STPG2: variants seen among roughly 807,000 people sequenced by gnomAD.
The protein encoded by STPG2 is sperm-tail PG-rich repeat-containing protein 2.
STPG2 carries 56 observed loss-of-function variants against 54.2 expected under a neutral mutation model. That is an observed-to-expected ratio of 1.03 (90% confidence interval 0.83 to 1.29). The LOEUF (loss-of-function observed/expected upper bound fraction) is 1.29, where lower values mean the gene tolerates loss of function less well. Ranked by LOEUF, STPG2 falls within the 50% of genes most tolerant of loss-of-function variation. The pLI is 0.00. For missense variants in STPG2, 596 were observed against 544.9 expected, an observed-to-expected ratio of 1.09 and a Z score of -0.93; for synonymous variants, 200 against 181.8, an observed-to-expected ratio of 1.10 and a Z score of -0.81.
In STPG2 at chr4:97,874,878, C is replaced by T. The variant is rs771802771; in HGVS notation, c.1045-33946G>A. Among the ~76,000 whole-genome samples, 4 of 151,754 alleles carry T rather than the reference C, an allele frequency of 2.6e-5. No homozygotes were observed. The South Asian group carries it at 6.2e-4, about 24-fold the overall frequency. On this transcript the variant is annotated intron_variant, in intron 8 of 10. Coordinates refer to ENST00000295268, the MANE Select transcript of STPG2 (RefSeq NM_174952.3). Reference sequence around the variant, plus strand: ...ACATGAGAAAAGTTATGACTCTCTCCGCCATATGAGGATACAGCAAGAAAA... The same window carrying T: ...ACATGAGAAAAGTTATGACTCTCTCTGCCATATGAGGATACAGCAAGAAAA...
chr4:97,876,489 T>C (rs1398369311), intron 8 of STPG2, among the ~76,000 whole-genome samples: 1 of 152,070 alleles, frequency 6.6e-6, no homozygotes, highest in Non-Finnish European at 1.5e-5. Context: ...ATTTTCTAAA[T>C]ATAAATGCCA....
chr4:98,024,579 G>A (rs1297117929), intron 5 of STPG2, among the ~76,000 whole-genome samples: 2 of 152,134 alleles, frequency 1.3e-5, no homozygotes, highest in Non-Finnish European at 2.9e-5. Flanking sequence ...ACATAAGCAA[G>A]GGTTAATTTA....
At chr4:97,901,394 T>C (rs1391641082) in intron 8 of STPG2, among the ~76,000 whole-genome samples, 2 of 151,802 alleles carry the variant, frequency 1.3e-5, no homozygotes, top group African/African-American at 2.4e-5. Flanking sequence ...AGAAGCAAAA[T>C]TGTTTCTGTT....
intron 5 of STPG2, among the ~76,000 whole-genome samples, chr4:98,064,340 C>T (rs566320577): frequency 7.2e-5 from 11 of 152,222 alleles, no homozygotes; most frequent in South Asian, 6.2e-4. Context: ...ATATCACAGG[C>T]GCAAAAATCC....
intron 8 of STPG2, among the ~76,000 whole-genome samples, chr4:97,863,725 C>T (rs1729650255): frequency 6.6e-6 from 1 of 152,150 alleles, no homozygotes; most frequent in Non-Finnish European, 1.5e-5. Context: ...CCAAATCCAG[C>T]AGCACATCAA....
chr4:97,797,105 T>C (rs1002335940), intron 9 of STPG2, among the ~76,000 whole-genome samples: 2 of 152,236 alleles, frequency 1.3e-5, no homozygotes, highest in African/African-American at 4.8e-5. Context: ...AATGGGGTTT[T>C]CTACACATAC....
intron 4 of STPG2, among the ~76,000 whole-genome samples, chr4:97,521,859 C>G (rs548342893): frequency 2.0e-4 from 31 of 152,004 alleles, no homozygotes; most frequent in Admixed American, 8.5e-4. Context: ...CTTGTAGTAT[C>G]AGCTACTGGG....
At chr4:97,591,081 T>C (rs1423304842) in intron 10 of STPG2, among the ~76,000 whole-genome samples, 1 of 152,154 alleles carries the variant, frequency 6.6e-6, no homozygotes, top group Non-Finnish European at 1.5e-5. Context: ...CCCTGCAAGT[T>C]CTTCACAGAC....
At position 97,635,830 on chromosome 4, in the gene STPG2, G is replaced by C. The variant is rs1450289713; in HGVS notation, c.1321-76713C>G. 2.0e-5 allele frequency among the ~76,000 whole-genome samples: 3 copies of C among 151,828 alleles called. 1 individual carries two copies. Among genetic ancestry groups the C allele is most frequent in the African/African-American group, 7.3e-5 (3 of 41,100 alleles). ...TATGCACCCAATACAGGAGCACCCA[G>C]ATTCATACGGCAAGTCCTGAGTGAC... On this transcript the variant is annotated intron_variant, in intron 10 of 10. Transcript: ENST00000295268.
At chr4:97,471,488 T>C (rs1372372400) in intron 4 of STPG2, among the ~76,000 whole-genome samples, 1 of 152,174 alleles carries the variant, frequency 6.6e-6, no homozygotes, top group African/African-American at 2.4e-5. Context: ...TAGAATACTT[T>C]AAGTAATTGA....
intron 4 of STPG2, among the ~76,000 whole-genome samples, chr4:97,454,462 G>A (rs1359480462): frequency 2.2e-5 from 3 of 136,324 alleles, no homozygotes; most frequent in Non-Finnish European, 3.1e-5. Context: ...GCAGTGAGCC[G>A]AGATTGCGCC....
intron 9 of STPG2, among the ~76,000 whole-genome samples, chr4:97,792,418 A>C (rs759628546): frequency 1.6e-4 from 25 of 152,104 alleles, no homozygotes; most frequent in Non-Finnish European, 2.9e-4. Context: ...TCCGTGCTTT[A>C]CCTTTCAAAA....
chr4:97,536,001 T>G (rs1731520337), intron 4 of STPG2, among the ~76,000 whole-genome samples: 1 of 152,258 alleles, frequency 6.6e-6, no homozygotes, highest in African/African-American at 2.4e-5. Flanking sequence ...GGCCTGGCTA[T>G]GTTTCTCAGG....
At chr4:97,836,535 C>T (rs1728638538) in intron 9 of STPG2, among the ~76,000 whole-genome samples, 1 of 151,796 alleles carries the variant, frequency 6.6e-6, no homozygotes, top group African/African-American at 2.4e-5. Flanking sequence ...CTTAGTTTTA[C>T]TGCAGTGGTA....
At chr4:97,661,112 A>T (rs1722363221) in intron 10 of STPG2, among the ~76,000 whole-genome samples, 1 of 152,194 alleles carries the variant, frequency 6.6e-6, no homozygotes, top group African/African-American at 2.4e-5. Flanking sequence ...AAGAAATCCC[A>T]GATAAAATGC....
At chr4:97,963,701 C>A (rs1733984021) in intron 7 of STPG2, among the ~76,000 whole-genome samples, 1 of 151,270 alleles carries the variant, frequency 6.6e-6, no homozygotes, top group Admixed American at 6.6e-5. Flanking sequence ...AATATATATA[C>A]ACACATATAT....
At chr4:97,892,599 G>A (rs1004313954) in intron 8 of STPG2, among the ~76,000 whole-genome samples, 11 of 152,106 alleles carry the variant, frequency 7.2e-5, no homozygotes, top group African/African-American at 2.7e-4. Flanking sequence ...TAAGCTTAAG[G>A]TTTAGCTTAT....
chr4:98,086,666 GAA>G (rs35225418), intron 5 of STPG2, among the ~76,000 whole-genome samples: 2,213 of 94,878 alleles, frequency 0.023, 35 homozygotes, highest in African/African-American at 0.075. Flanking sequence ...ATGCATGCCA[GAA>G]AAAAAAAAAA....
chr4:98,088,672 GAAAA>G (rs61146705), intron 5 of STPG2, among the ~76,000 whole-genome samples: 3 of 125,390 alleles, frequency 2.4e-5, no homozygotes, highest in African/African-American at 5.9e-5. Flanking sequence ...TCCTTTAGGG[GAAAA>G]AAAAAAAAAA....
Sources: allele counts gnomAD v4.1 joint callset (sites outside exome capture counted in the v4.1 genomes callset), GRCh38; gene constraint gnomAD v4.1.1; transcripts MANE v1.5; gene names NCBI Gene and HGNC (gene_info 2026-07-23, HGNC 2026-07-21).